The following PIK3R5 variants were observed in gnomAD, a reference collection of about 807,000 sequenced individuals.
PIK3R5 encodes phosphoinositide 3-kinase regulatory subunit 5.
In PIK3R5, 32 loss-of-function variants were observed where a neutral mutation model predicts 94.9. The ratio of observed to expected loss-of-function variants is 0.34; its 90% CI spans 0.25 to 0.45. The LOEUF is 0.45. Ranked by LOEUF, PIK3R5 falls within the 20% of genes least tolerant of loss-of-function variation. The probability of loss-of-function intolerance (pLI) is 1.00; values close to 1 mark genes in which losing one functional copy is unlikely to be tolerated. For missense variants in PIK3R5, 853 were observed against 1,144.6 expected (o/e 0.75, Z 3.68); for synonymous variants, 443 against 479.4 (o/e 0.92, Z 0.99).
rs1415245253 is a variant in PIK3R5, at chr17:8,896,536, G to A, written c.413-2881C>T. Among the ~76,000 whole-genome samples, 1 of 152,184 alleles carries A rather than the reference G, an allele frequency of 6.6e-6. No individual in the cohort carries two copies. The highest frequency in any genetic ancestry group is 2.4e-5 in the African/African-American group (1 of 41,444). ...AAGTCACCCCATACAGGCGAAGAACGGGGTGAGTGGGCAGAACACACTCAT... is the reference window on the plus strand; with the variant it reads ...AAGTCACCCCATACAGGCGAAGAACAGGGTGAGTGGGCAGAACACACTCAT... On this transcript the variant is annotated intron_variant, in intron 5 of 18. Transcript: ENST00000447110. This position sits in a 1 kb window ranked among gnomAD's most constrained non-coding sequence, Gnocchi z 4.0.
intron 1 of PIK3R5, among the ~76,000 whole-genome samples, chr17:8,929,105 G>T (rs1461050020): frequency 6.6e-6 from 1 of 152,040 alleles, no homozygotes; most frequent in African/African-American, 2.4e-5. Flanking sequence ...ATATATAAAA[G>T]CATTACAGAT....
Position 8,955,623 on chromosome 17 carries a change from C to T in PIK3R5, c.-14+9973G>A, listed in dbSNP as rs144798435. Among the ~76,000 whole-genome samples, 2 of 152,220 alleles carry T rather than the reference C, an allele frequency of 1.3e-5. No individual in the cohort carries two copies. Among genetic ancestry groups the T allele is most frequent in the Non-Finnish European group, 2.9e-5 (2 of 68,014 alleles). On this transcript the variant is annotated intron_variant, in intron 1 of 18. Coordinates refer to ENST00000447110, the MANE Select transcript of PIK3R5 (RefSeq NM_001142633.3). This position sits in a 1 kb window ranked among gnomAD's most constrained non-coding sequence, Gnocchi z 4.4. ...TGTGGTCCAAAAGGCCCACCAGAGG[C>T]ATATGGTAAATAAAGCCAAATTGGG... is the stretch of plus-strand genomic sequence containing the variant.
intron 5 of PIK3R5, among the ~76,000 whole-genome samples, chr17:8,897,603 A>G (rs1160731712): frequency 6.6e-6 from 1 of 152,204 alleles, no homozygotes; most frequent in South Asian, 2.1e-4. Flanking sequence ...CATATGTGGC[A>G]GAGACTTCTA....
chr17:8,962,636 G>A (rs967156727), intron 1 of PIK3R5, among the ~76,000 whole-genome samples: 26 of 152,266 alleles, frequency 1.7e-4, no homozygotes, highest in African/African-American at 6.0e-4. Flanking sequence ...AAGATGCACC[G>A]TTATTTTGTG....
chr17:8,884,677 G>C lies in PIK3R5; in HGVS notation c.2205+30C>G. ...GAGGAAGTATCAGCAGCAGATCCTG[G>C]AGGGGAAGGAGCCCCAGCACGGGTC... On this transcript the variant is annotated intron_variant, in intron 15 of 18. Transcript: ENST00000447110. The surrounding 1 kb of genome is among the most constrained non-coding windows in gnomAD (Gnocchi z 5.8). 6.4e-7 allele frequency: 1 copy of C among 1,554,924 alleles called. No homozygotes were observed. Among genetic ancestry groups the C allele is most frequent in the Non-Finnish European group, 8.9e-7 (1 of 1,126,946 alleles).
rs144873798 is a variant in PIK3R5, at chr17:8,883,640, C to T, written c.2205+1067G>A. Among the ~76,000 whole-genome samples the T allele has an allele frequency of 6.1e-4, 93 of 152,344 alleles. 2 individuals are homozygous for T. The East Asian group carries it at 0.017, about 28-fold the overall frequency. ...TTTCCCTCCAATATTAACTCAGGTG[C>T]CTTCTCAAGGAAGCCTTCACTACTA... is the stretch of plus-strand genomic sequence containing the variant. On this transcript the variant is annotated intron_variant, in intron 15 of 18. Coordinates refer to ENST00000447110, the MANE Select transcript of PIK3R5 (RefSeq NM_001142633.3).
chr17:8,904,907 G>C lies in PIK3R5; in HGVS notation c.282C>G (p.His94Gln). ...LFYSTVLCTPHFPPDSDLLLK... is the reference protein window; with the variant it reads ...LFYSTVLCTPQFPPDSDLLLK... The stretch of plus-strand genomic sequence containing the variant: ...GAAGGAGATCCGAGTCTGGTGGGAA[G>C]TGTGGTGTCTAGGATGGAGGCAGGC... The change falls in exon 5 of 19, where the codon CAC (histidine) becomes CAG (glutamine). Residue 94 changes from histidine (H) to glutamine (Q), a missense_variant. Physicochemically the swap from His to Gln is conservative, Grantham distance 24. Around this residue, in one of 6 missense-constraint regions of PIK3R5, gnomAD observed 108 missense variants for 170.1 expected, o/e 0.63. Coordinates refer to ENST00000447110, the MANE Select transcript of PIK3R5 (RefSeq NM_001142633.3). This position sits in a 1 kb window ranked among gnomAD's most constrained non-coding sequence, Gnocchi z 5.1. The C allele has an allele frequency of 6.2e-7, 1 of 1,612,958 alleles. No homozygotes were observed.
At chr17:8,942,674 C>T (rs1158865473) in intron 1 of PIK3R5, among the ~76,000 whole-genome samples, 6 of 144,176 alleles carry the variant, frequency 4.2e-5, no homozygotes, top group Non-Finnish European at 7.9e-5. Context: ...GGTGCGATCT[C>T]TGCTCACTGC....
intron 1 of PIK3R5, among the ~76,000 whole-genome samples, chr17:8,943,677 G>A (rs1297273771): frequency 1.3e-5 from 2 of 152,150 alleles, no homozygotes; most frequent in East Asian, 3.9e-4. Context: ...GGAGGCTGAG[G>A]CAGGAGAATC....
At chr17:8,942,781 A>AT (rs1209949412) in intron 1 of PIK3R5, among the ~76,000 whole-genome samples, 1 of 151,374 alleles carries the variant, frequency 6.6e-6, no homozygotes, top group Non-Finnish European at 1.5e-5. Flanking sequence ...AATTTTTTGT[A>AT]TTTTTTAGTA....
At chr17:8,885,569 C>A (rs1301867392) in intron 14 of PIK3R5, among the ~76,000 whole-genome samples, 6 of 145,514 alleles carry the variant, frequency 4.1e-5, no homozygotes, top group African/African-American at 1.5e-4. Flanking sequence ...AAGGCCCCAC[C>A]TACCGGACAA....
intron 1 of PIK3R5, among the ~76,000 whole-genome samples, chr17:8,924,826 C>T (rs752224333): frequency 7.2e-5 from 11 of 152,290 alleles, no homozygotes; most frequent in Middle Eastern, 3.4e-3. Context: ...ACACTCCTCC[C>T]GATACTTGGC....
rs748160424 is a variant in PIK3R5 at position 8,890,823 on chromosome 17, C to T, written c.572G>A (p.Ser191Asn). ...GTGCAGGAGCAGGGTGGTGTAGGCA[C>T]TGTGAGGCGAGTGTCCGGGCGTACT... ...KLSTPGHSPH[S>N]AYTTLLLHAF... Residue 191 changes from serine (S) to asparagine (N), a missense_variant, in exon 7 of 19, where the codon AGT becomes AAT. Ser to Asn is a conservative substitution (Grantham distance 46). This residue lies in a region of PIK3R5 where 161 missense variants were observed against 249.5 expected (regional missense o/e 0.65). Coordinates refer to ENST00000447110, the MANE Select transcript of PIK3R5 (RefSeq NM_001142633.3). This position sits in a 1 kb window ranked among gnomAD's most constrained non-coding sequence, Gnocchi z 6.1. 13 of 1,613,326 alleles carry T rather than the reference C, an allele frequency of 8.1e-6. No individual in the cohort carries two copies. The South Asian group carries it at 9.9e-5, about 12-fold the overall frequency.
intron 5 of PIK3R5, among the ~76,000 whole-genome samples, chr17:8,899,821 CA>C (rs2090239729): frequency 6.6e-6 from 1 of 152,108 alleles, no homozygotes; most frequent in Admixed American, 6.5e-5. Context: ...GGGCGGCTCA[CA>C]AGGTTAGGAG....
intron 1 of PIK3R5, among the ~76,000 whole-genome samples, chr17:8,933,883 C>T (rs2091027542): frequency 6.6e-6 from 1 of 152,070 alleles, no homozygotes; most frequent in Non-Finnish European, 1.5e-5. Flanking sequence ...TTCATGAATG[C>T]ATAAAAAGCC....
At position 8,888,681 on chromosome 17, in the gene PIK3R5, G is replaced by A. The variant is rs775781412; in HGVS notation, c.1106C>T (p.Pro369Leu). Residue 369 changes from proline (P) to leucine (L), a missense_variant, in exon 10 of 19, where the codon CCG (proline) becomes CTG (leucine). Physicochemically the swap from Pro to Leu is moderately conservative, Grantham distance 98. Transcript: ENST00000447110. The surrounding 1 kb of genome is among the most constrained non-coding windows in gnomAD (Gnocchi z 7.8). ...AGTCAGCAGATGGCGCGAGAGGGCC[G>A]GCCCCGAGGCCTGGGAGGATGCAAG... ...LSLASSQASGPALSRHLLTSF... is the reference protein window; with the variant it reads ...LSLASSQASGLALSRHLLTSF... 6 of 1,613,946 alleles carry A rather than the reference G, an allele frequency of 3.7e-6. No individual in the cohort carries two copies. Among genetic ancestry groups the A allele is most frequent in the South Asian group, 1.1e-5 (1 of 91,086 alleles).
chr17:8,925,925 G>A lies in PIK3R5; in HGVS notation c.-13-14418C>T, dbSNP rs2090874743. Among the ~76,000 whole-genome samples the A allele has an allele frequency of 6.6e-6, 1 of 152,222 alleles. No homozygotes were observed. The highest frequency in any genetic ancestry group is 2.4e-5 in the African/African-American group (1 of 41,458). On this transcript the variant is annotated intron_variant, in intron 1 of 18. Transcript: ENST00000447110. The surrounding 1 kb of genome is among the most constrained non-coding windows in gnomAD (Gnocchi z 5.1). ...TCTATCCCCTTCAGACCCCAATGGA[G>A]AGGTCTGGGCTACAGCTCTCTATTT...
chr17:8,919,006 A>T (rs904087539), intron 1 of PIK3R5, among the ~76,000 whole-genome samples: 1 of 152,226 alleles, frequency 6.6e-6, no homozygotes, highest in Non-Finnish European at 1.5e-5. Context: ...CACCACATAG[A>T]CATTCACTAT....
intron 1 of PIK3R5, among the ~76,000 whole-genome samples, chr17:8,931,481 C>A (rs1801298334): frequency 6.6e-6 from 1 of 152,112 alleles, no homozygotes; most frequent in Admixed American, 6.5e-5. Context: ...ACAAGGGGAG[C>A]CTCTTGATTT....
Sources: gnomAD v4.1 joint callset for allele counts (sites outside exome capture counted in the v4.1 genomes callset) on GRCh38, gnomAD v4.1.1 for gene constraint, gnomAD v4.1.1 regional missense constraint, Gnocchi (gnomAD v3.1) non-coding constraint, MANE v1.5 for transcripts, NCBI Gene and HGNC (gene_info 2026-07-23, HGNC 2026-07-21) for gene names.